ZC3H12B: variants seen among roughly 807,000 people sequenced by gnomAD.
ZC3H12B encodes probable ribonuclease ZC3H12B.
In ZC3H12B, 7 loss-of-function variants were observed where a neutral mutation model predicts 43.9. That is an observed-to-expected ratio of 0.16 (90% CI 0.09 to 0.30). The LOEUF (loss-of-function observed/expected upper bound fraction) is 0.30, where lower values mean the gene tolerates loss of function less well. Ranked by LOEUF, ZC3H12B falls within the 10% of genes least tolerant of loss-of-function variation. ZC3H12B has a pLI of 1.00. For missense variants in ZC3H12B, 475 were observed against 670.2 expected (o/e 0.71, Z 3.22); for synonymous variants, 222 against 241.7 (o/e 0.92, Z 0.76).
chrX:65,462,999 A>T (rs2067771611), intron 3 of ZC3H12B, among the ~76,000 whole-genome samples: 1 of 112,375 alleles, frequency 8.9e-6, no homozygotes, highest in Admixed American at 9.4e-5. Flanking sequence ...CATTATCCTA[A>T]GTGAATTAAT....
chrX:65,248,407 C>CA, the ZC3H12B span, among the ~76,000 whole-genome samples: 2 of 111,366 alleles, frequency 1.8e-5, no homozygotes, highest in Non-Finnish European at 1.9e-5. Context: ...CTAAAATACT[C>CA]AAAAAATGTA....
chrX:65,139,313 G>A, the ZC3H12B span, among the ~76,000 whole-genome samples: 1 of 112,170 alleles, frequency 8.9e-6, no homozygotes, highest in Non-Finnish European at 1.9e-5. Flanking sequence ...GTATGGATAT[G>A]CAATTTTGCC....
the ZC3H12B span, among the ~76,000 whole-genome samples, chrX:65,269,469 A>G: frequency 9.0e-6 from 1 of 111,357 alleles, no homozygotes; most frequent in Non-Finnish European, 1.9e-5. Flanking sequence ...CAATAGCATC[A>G]AAAAATTAAA....
In ZC3H12B at chrX:65,488,986, C is replaced by T. The variant is rs371455520; in HGVS notation, c.185C>T (p.Pro62Leu). 8.3e-6 allele frequency: 10 copies of T among 1,209,289 alleles called. No individual in the cohort carries two copies. In the African/African-American group the frequency reaches 1.6e-4, roughly 19 times the overall value. Residue 62 changes from proline to leucine, a missense_variant, in exon 1 of 5, where the codon CCT becomes CTT. This residue lies in a region of ZC3H12B where 160 missense variants were observed against 236.0 expected (regional missense o/e 0.68). Transcript: ENST00000338957. ...AGCGACAACAGCAAGAGCTGCCAACCTAGGGATGGTCAGTTGAAGAAAAAG... is the reference window on the plus strand; with the variant it reads ...AGCGACAACAGCAAGAGCTGCCAACTTAGGGATGGTCAGTTGAAGAAAAAG...
At chrX:65,244,926 T>C in the ZC3H12B span, among the ~76,000 whole-genome samples, 13 of 110,596 alleles carry the variant, frequency 1.2e-4, no homozygotes, top group Admixed American at 7.8e-4. Flanking sequence ...AAGCTCAGTC[T>C]TTAGGATAGC....
chrX:65,043,772 A>G, the ZC3H12B span, among the ~76,000 whole-genome samples: 1 of 112,163 alleles, frequency 8.9e-6, no homozygotes, highest in Non-Finnish European at 1.9e-5. Flanking sequence ...AAATCTTAAA[A>G]GACATAAGAA....
the ZC3H12B span, among the ~76,000 whole-genome samples, chrX:65,222,644 TAA>T: frequency 1.1e-5 from 1 of 94,644 alleles, no homozygotes; most frequent in Non-Finnish European, 2.0e-5. Flanking sequence ...ATAATAATAA[TAA>T]TAATAAAACA....
intron 3 of ZC3H12B, among the ~76,000 whole-genome samples, chrX:65,445,625 A>C (rs1424221660): frequency 8.9e-6 from 1 of 112,319 alleles, no homozygotes; most frequent in African/African-American, 3.2e-5. Context: ...AGTGGGTCTC[A>C]CCCATGGTCT....
the ZC3H12B span, among the ~76,000 whole-genome samples, chrX:65,080,568 G>A: frequency 9.1e-6 from 1 of 109,901 alleles, no homozygotes; most frequent in Non-Finnish European, 1.9e-5. Flanking sequence ...CCAGGAGAGA[G>A]GGCATGATAT....
the ZC3H12B span, among the ~76,000 whole-genome samples, chrX:65,124,022 C>G: frequency 1.8e-5 from 2 of 110,849 alleles, no homozygotes; most frequent in Non-Finnish European, 3.8e-5. Flanking sequence ...ACTTCCAGTA[C>G]TATGTTGAAT....
the ZC3H12B span, chrX:65,327,959 A>T: frequency 3.4e-5 from 6 of 173,982 alleles, no homozygotes; most frequent in Admixed American, 3.6e-4. Flanking sequence ...GTTTACATAG[A>T]TCCAAACATA....
the ZC3H12B span, among the ~76,000 whole-genome samples, chrX:65,072,549 A>G: frequency 8.9e-6 from 1 of 111,946 alleles, no homozygotes; most frequent in East Asian, 2.8e-4. Context: ...TTGCTGTCCT[A>G]TGGATGAGTT....
At chrX:65,324,873 A>G in the ZC3H12B span, among the ~76,000 whole-genome samples, 1 of 109,907 alleles carries the variant, frequency 9.1e-6, no homozygotes, top group African/African-American at 3.3e-5. Context: ...TGAATATCTG[A>G]TAATTATAGA....
At chrX:65,063,356 T>A in the ZC3H12B span, among the ~76,000 whole-genome samples, 1 of 111,784 alleles carries the variant, frequency 8.9e-6, no homozygotes, top group South Asian at 3.7e-4. Flanking sequence ...GTTTATTGAG[T>A]GTTTTTAGCA....
chrX:65,157,765 C>CT, the ZC3H12B span, among the ~76,000 whole-genome samples: 24,180 of 107,388 alleles, frequency 0.23, 6,860 homozygotes, highest in African/African-American at 0.78. Flanking sequence ...TTTCCCTTTT[C>CT]TTTTTTTTAT....
the ZC3H12B span, among the ~76,000 whole-genome samples, chrX:65,224,442 G>C: frequency 8.9e-6 from 1 of 112,534 alleles, no homozygotes; most frequent in African/African-American, 3.2e-5. Flanking sequence ...CCCAGCATGA[G>C]CAACGCAGAA....
chrX:65,499,850 G>A lies in ZC3H12B; in HGVS notation c.984-33G>A, dbSNP rs922019157. ...CTAGTAAGGAGTAGGGGACAGAAAGGAAGACAGTCACCTCTTGCTTACTTG... is the reference window on the plus strand; with the variant it reads ...CTAGTAAGGAGTAGGGGACAGAAAGAAAGACAGTCACCTCTTGCTTACTTG... On this transcript the variant is annotated intron_variant, in intron 3 of 4. Coordinates refer to ENST00000338957, the Ensembl canonical transcript of ZC3H12B. 3 of 1,124,524 alleles carry A rather than the reference G, an allele frequency of 2.7e-6. No homozygotes were observed. In the African/African-American group the frequency reaches 5.4e-5, roughly 20 times the overall value. 92.7% of individuals were successfully genotyped at this position (1,124,524 alleles called of 1,213,427 possible). A position where few individuals can be genotyped will look rare whatever the true frequency, so the allele number is the denominator to read the frequency against.
chrX:65,201,639 CCTCTCTCT>C, the ZC3H12B span, among the ~76,000 whole-genome samples: 4,868 of 64,487 alleles, frequency 0.075, 167 homozygotes, highest in Middle Eastern at 0.086. Context: ...TGAAAGATCA[CCTCTCTCT>C]CTCTCTCTCT....
chrX:65,120,786 T>A, the ZC3H12B span, among the ~76,000 whole-genome samples: 1 of 111,633 alleles, frequency 9.0e-6, no homozygotes, highest in African/African-American at 3.3e-5. Context: ...ACTGTGGGTT[T>A]GTCATAGATA....
Sources: gnomAD v4.1 joint callset for allele counts (sites outside exome capture counted in the v4.1 genomes callset) on GRCh38, gnomAD v4.1.1 for gene constraint, gnomAD v4.1.1 regional missense constraint, MANE v1.5 for transcripts, NCBI Gene and HGNC (gene_info 2026-07-23, HGNC 2026-07-21) for gene names.